Variants in CNOT6L observed in about 807,000 individuals in gnomAD.
CNOT6L encodes CCR4-NOT transcription complex subunit 6 like.
In CNOT6L, 7 loss-of-function variants were observed where a neutral mutation model predicts 64.0. That is an observed-to-expected ratio of 0.11 (90% CI 0.06 to 0.21). The LOEUF (loss-of-function observed/expected upper bound fraction) is 0.21, where lower values mean the gene tolerates loss of function less well. Among genes scored for constraint, CNOT6L ranks in the 10% least tolerant of loss-of-function variants. The probability of loss-of-function intolerance (pLI) is 1.00; values close to 1 mark genes in which losing one functional copy is unlikely to be tolerated. For missense variants in CNOT6L, 245 were observed against 669.0 expected, an observed-to-expected ratio of 0.37 and a Z score of 6.99; for synonymous variants, 193 against 243.4, an observed-to-expected ratio of 0.79 and a Z score of 1.93.
At chr4:77,770,306 A>T (rs917867750) in intron 4 of CNOT6L, among the ~76,000 whole-genome samples, 2 of 152,200 alleles carry the variant, frequency 1.3e-5, no homozygotes, top group Non-Finnish European at 1.5e-5. Context: ...GTTCATTCTC[A>T]TTGTTTAACT....
At chr4:77,788,552 A>C (rs1729725063) in intron 1 of CNOT6L, among the ~76,000 whole-genome samples, 1 of 152,034 alleles carries the variant, frequency 6.6e-6, no homozygotes, top group African/African-American at 2.4e-5. Flanking sequence ...ATACGGCGAA[A>C]CCCCATCTCC....
chr4:77,728,191 T>C (rs1275919989), intron 10 of CNOT6L, among the ~76,000 whole-genome samples: 1 of 152,242 alleles, frequency 6.6e-6, no homozygotes, highest in Admixed American at 6.5e-5. Flanking sequence ...CTGTAACTAC[T>C]AACATTATCC....
chr4:77,774,081 G>A (rs188077643), intron 3 of CNOT6L, among the ~76,000 whole-genome samples: 1 of 152,216 alleles, frequency 6.6e-6, no homozygotes, highest in East Asian at 1.9e-4. Flanking sequence ...TTTCTTTAGG[G>A]AATTTTTAAA....
chr4:77,741,044 T>C (rs1723527110), intron 8 of CNOT6L, among the ~76,000 whole-genome samples: 1 of 152,184 alleles, frequency 6.6e-6, no homozygotes, highest in Non-Finnish European at 1.5e-5. Context: ...TCTCAGAACA[T>C]ATTCCCGTAG....
Position 77,745,303 on chromosome 4 carries a change from C to G in CNOT6L, c.560-428G>C, listed in dbSNP as rs1033749845. Among the ~76,000 whole-genome samples, 11 of 152,284 alleles carry G rather than the reference C, an allele frequency of 7.2e-5. No homozygotes were observed. The South Asian group carries it at 1.0e-3, about 14-fold the overall frequency. On this transcript the variant is annotated intron_variant, in intron 6 of 11. Transcript: ENST00000504123. ...TTTGTGCCTCCTACTGCTATCATTACTTTGAAGCAGAAGAGTATGGACTAA... is the reference window on the plus strand; with the variant it reads ...TTTGTGCCTCCTACTGCTATCATTAGTTTGAAGCAGAAGAGTATGGACTAA...
At chr4:77,736,121 A>C (rs1722916531) in intron 8 of CNOT6L, among the ~76,000 whole-genome samples, 1 of 152,182 alleles carries the variant, frequency 6.6e-6, no homozygotes, top group Admixed American at 6.5e-5. Flanking sequence ...TAGTCTTCCT[A>C]AACAGGATGC....
chr4:77,800,561 A>G (rs1175907511), intron 1 of CNOT6L, among the ~76,000 whole-genome samples: 1 of 152,220 alleles, frequency 6.6e-6, no homozygotes, highest in Non-Finnish European at 1.5e-5. Flanking sequence ...GTTTTGAACA[A>G]TATGAAAGTC....
At chr4:77,795,850 A>G (rs1345674980) in intron 1 of CNOT6L, among the ~76,000 whole-genome samples, 2 of 152,224 alleles carry the variant, frequency 1.3e-5, no homozygotes, top group Non-Finnish European at 2.9e-5. Context: ...ATAAATGAAG[A>G]CATACCTTAT....
intron 1 of CNOT6L, among the ~76,000 whole-genome samples, chr4:77,792,641 G>A (rs967478783): frequency 1.3e-5 from 2 of 150,054 alleles, no homozygotes; most frequent in Admixed American, 6.7e-5. Flanking sequence ...CAGGAGAATC[G>A]CTTGAACCCA....
chr4:77,753,149 A>T (rs928336529), intron 5 of CNOT6L, among the ~76,000 whole-genome samples: 43 of 150,576 alleles, frequency 2.9e-4, no homozygotes, highest in African/African-American at 1.0e-3. Flanking sequence ...TAGTACTATA[A>T]TTATTAAAGA....
chr4:77,734,451 A>C (rs1208210907), intron 8 of CNOT6L, among the ~76,000 whole-genome samples: 1 of 152,188 alleles, frequency 6.6e-6, no homozygotes, highest in Non-Finnish European at 1.5e-5. Context: ...TGATGACTGG[A>C]TTATAGTCCA....
At chr4:77,768,682 T>C (rs999313543) in intron 4 of CNOT6L, among the ~76,000 whole-genome samples, 2 of 151,522 alleles carry the variant, frequency 1.3e-5, no homozygotes, top group African/African-American at 2.4e-5. Context: ...ATAAATATAA[T>C]AGCCAACAGA....
At chr4:77,813,366 G>A (rs1379057814) in intron 1 of CNOT6L, among the ~76,000 whole-genome samples, 3 of 152,042 alleles carry the variant, frequency 2.0e-5, no homozygotes, top group Non-Finnish European at 4.4e-5. Context: ...GAAACAAGAA[G>A]TCATTATTTC....
Position 77,776,395 on chromosome 4 carries a change from G to GT in CNOT6L, c.6-4dup, listed in dbSNP as rs1560417951. 1.1e-5 allele frequency: 15 copies of GT among 1,357,564 alleles called. No homozygotes were observed. Among genetic ancestry groups the GT allele is most frequent in the South Asian group, 2.7e-5 (2 of 74,720 alleles). 84.1% of individuals were successfully genotyped at this position (1,357,564 alleles called of 1,614,324 possible). Reference sequence around the variant, plus strand: ...TTTCCTTTGGCATCCCTATTAGTCTGTTTAAAAAAAAAAAGGAGGAGATCA... The same window carrying GT: ...TTTCCTTTGGCATCCCTATTAGTCTGTTTTAAAAAAAAAAAGGAGGAGATCA... On this transcript the variant is annotated splice_region_variant and splice_polypyrimidine_tract_variant and intron_variant, in intron 1 of 11. Coordinates refer to ENST00000504123, the MANE Select transcript of CNOT6L (RefSeq NM_144571.3).
intron 8 of CNOT6L, among the ~76,000 whole-genome samples, chr4:77,736,436 A>C (rs1385108803): frequency 6.6e-6 from 1 of 152,184 alleles, no homozygotes; most frequent in African/African-American, 2.4e-5. Context: ...AATTTACAAT[A>C]TAGTAAGATA....
At chr4:77,743,790 T>G (rs1431323790) in intron 7 of CNOT6L, among the ~76,000 whole-genome samples, 1 of 151,758 alleles carries the variant, frequency 6.6e-6, no homozygotes, top group East Asian at 1.9e-4. Flanking sequence ...TTAGTAGATA[T>G]GGGGTTTCAC....
At position 77,742,160 on chromosome 4, in the gene CNOT6L, T is replaced by C. The variant is rs1187299822; in HGVS notation, c.853A>G (p.Ile285Val). The C allele has an allele frequency of 5.0e-6, 8 of 1,613,358 alleles. No individual in the cohort carries two copies. The highest frequency in any genetic ancestry group is 2.2e-5 in the East Asian group (1 of 44,852). Residue 285 changes from isoleucine (I) to valine (V), a missense_variant, in exon 8 of 12, where the codon ATA becomes GTA. Transcript: ENST00000504123. ...ACTTACTTTTCTGTTTTGAAGAATA[T>C]TGCACAACCATCTACATGCTTTCTC... The part of the protein sequence containing the change: ...QERKHVDGCA[I>V]FFKTEKFTLV...
chr4:77,775,724 C>A (rs929230908), intron 2 of CNOT6L, among the ~76,000 whole-genome samples: 1 of 152,122 alleles, frequency 6.6e-6, no homozygotes, highest in African/African-American at 2.4e-5. Context: ...TTTACATGAC[C>A]ATGACAATTT....
At chr4:77,793,659 C>T (rs565556476) in intron 1 of CNOT6L, among the ~76,000 whole-genome samples, 10 of 152,218 alleles carry the variant, frequency 6.6e-5, no homozygotes, top group African/African-American at 2.4e-4. Context: ...TCCCTGAGTA[C>T]TAAGCAGCAG....
Sources: gnomAD v4.1 joint callset for allele counts (sites outside exome capture counted in the v4.1 genomes callset) on GRCh38, gnomAD v4.1.1 for gene constraint, MANE v1.5 for transcripts, NCBI Gene and HGNC (gene_info 2026-07-23, HGNC 2026-07-21) for gene names.